Variants in MIEF1 observed in about 807,000 individuals in gnomAD.
The protein encoded by MIEF1 is mitochondrial elongation factor 1.
A neutral mutation model predicts 35.1 loss-of-function variants in MIEF1; 14 were observed. That is an observed-to-expected ratio of 0.40 (90% CI 0.26 to 0.62). The LOEUF (loss-of-function observed/expected upper bound fraction) is 0.62, where lower values mean the gene tolerates loss of function less well. Among genes scored for constraint, MIEF1 ranks in the 20% least tolerant of loss-of-function variants. The pLI is 0.43. For missense variants in MIEF1, 542 were observed against 615.4 expected (o/e 0.88, Z 1.26); for synonymous variants, 245 against 254.3 (o/e 0.96, Z 0.35).
At chr22:39,505,574 G>C (rs577813427) in intron 2 of MIEF1, among the ~76,000 whole-genome samples, 3 of 152,170 alleles carry the variant, frequency 2.0e-5, no homozygotes, top group Non-Finnish European at 2.9e-5. Context: ...CAGAGTTGAG[G>C]CTGGGCCTGG....
chr22:39,512,341 G>A lies in MIEF1; in HGVS notation c.432G>A (p.Arg144=), dbSNP rs762350332. ...AGGAGAAACTTCTTACTTACTACCG[G>A]AACCGGGCAGCCATCCCTGCTGGAG... ...SLQEKLLTYY[R]NRAAIPAGEQ... Residue 144 remains arginine, a synonymous_variant, in exon 5 of 6, where the codon CGG becomes CGA. Coordinates refer to ENST00000325301, the MANE Select transcript of MIEF1 (RefSeq NM_019008.6). 6.2e-7 allele frequency: 1 copy of A among 1,614,258 alleles called. No individual in the cohort carries two copies. The highest frequency in any genetic ancestry group is 1.1e-5 in the South Asian group (1 of 91,088).
At chr22:39,501,364 C>T (rs1429244507), upstream of MIEF1, among the ~76,000 whole-genome samples, 3 of 152,252 alleles carry the variant, frequency 2.0e-5, no homozygotes, top group Admixed American at 6.5e-5. Context: ...CACCCCTCTA[C>T]TGGTAGATAT....
intron 2 of MIEF1, among the ~76,000 whole-genome samples, chr22:39,507,125 A>G (rs1014585170): frequency 1.3e-5 from 2 of 152,204 alleles, no homozygotes; most frequent in African/African-American, 4.8e-5. Flanking sequence ...TAACTTTTCA[A>G]GTAAGGTCCG....
chr22:39,504,526 A>G lies in MIEF1; in HGVS notation c.-16A>G, dbSNP rs1221545547. 3 of 398,098 alleles carry G rather than the reference A, an allele frequency of 7.5e-6. No homozygotes were observed. Among genetic ancestry groups the G allele is most frequent in the Middle Eastern group, 1.2e-3 (2 of 1,610 alleles). The allele number at this position is 398,098 out of a possible 1,614,324, so 24.7% of individuals were successfully genotyped here. ...ATCCCCATCTTACAGATGTATTAAG[A>G]AGCCTCAGGTACGTAGGCCCTCGTT... On this transcript the variant is annotated 5_prime_UTR_variant, in exon 2 of 6. Transcript: ENST00000325301.
At position 39,514,295 on chromosome 22, in the gene MIEF1, C is replaced by G. The variant is rs760530375; in HGVS notation, c.1364C>G (p.Ser455Cys). ...ELGYTLYCSL[S>C]EPEVLLQT is the part of the protein sequence containing the mutation. ...GGATACACTCTGTATTGCTCATTGT[C>G]TGAGCCAGAGGTGCTGCTGCAGACG... Residue 455 changes from serine (S) to cysteine (C), a missense_variant, in exon 6 of 6, where the codon TCT becomes TGT. By Grantham distance (112) the Ser-to-Cys change is moderately radical. Coordinates refer to ENST00000325301, the MANE Select transcript of MIEF1 (RefSeq NM_019008.6). 6.2e-7 allele frequency: 1 copy of G among 1,614,004 alleles called. No individual in the cohort carries two copies. The highest frequency in any genetic ancestry group is 8.5e-7 in the Non-Finnish European group (1 of 1,180,006).
At position 39,507,306 on chromosome 22, in the gene MIEF1, T is replaced by C. The variant is rs953112290; in HGVS notation, c.-8+2772T>C. On this transcript the variant is annotated intron_variant, in intron 2 of 5. Coordinates refer to ENST00000325301, the MANE Select transcript of MIEF1 (RefSeq NM_019008.6). ...GTCACCCAGGCTGGAGTGCAGTGGGTGCAATCTTGGCTCACTGCAACCTCT... is the reference window on the plus strand; with the variant it reads ...GTCACCCAGGCTGGAGTGCAGTGGGCGCAATCTTGGCTCACTGCAACCTCT... Among the ~76,000 whole-genome samples the C allele has an allele frequency of 4.0e-5, 6 of 151,772 alleles. No individual in the cohort carries two copies. The East Asian group carries it at 5.9e-4, about 15-fold the overall frequency.
intron 2 of MIEF1, 140 bp downstream of exon 2, chr22:39,504,674 A>C (rs560887050): frequency 3.1e-6 from 1 of 319,302 alleles, no homozygotes; most frequent in Non-Finnish European, 5.7e-6. Flanking sequence ...CCAACTCTGC[A>C]GGAGGCTGAG....
At chr22:39,501,265 TG>T (rs1929686267), upstream of MIEF1, among the ~76,000 whole-genome samples, 1 of 152,234 alleles carries the variant, frequency 6.6e-6, no homozygotes, top group African/African-American at 2.4e-5. Context: ...AAGGCTTACC[TG>T]GGGGGAGGCC....
At position 39,515,295 on chromosome 22, in the gene MIEF1, G is replaced by A; in HGVS notation, c.*972G>A. 1 of 717,604 alleles carries A rather than the reference G, an allele frequency of 1.4e-6. No homozygotes were observed. 44.5% of individuals were successfully genotyped at this position (717,604 alleles called of 1,614,324 possible). A position where few individuals can be genotyped will look rare whatever the true frequency, so the allele number is the denominator to read the frequency against. On this transcript the variant is annotated 3_prime_UTR_variant, in exon 6 of 6. Coordinates refer to ENST00000325301, the MANE Select transcript of MIEF1 (RefSeq NM_019008.6). ...GGATGATGGAGGTAGACAGTCGACT[G>A]AATGTCAGCTGGAAAATCCAGTCAC...
At position 39,507,279 on chromosome 22, in the gene MIEF1, C is replaced by G. The variant is rs1716764195; in HGVS notation, c.-8+2745C>G. 2.0e-5 allele frequency among the ~76,000 whole-genome samples: 3 copies of G among 151,968 alleles called. No individual in the cohort carries two copies. In the South Asian group the frequency reaches 6.2e-4, roughly 32 times the overall value. ...TTTTTTCTTGAGATGGAGTCTTGCT[C>G]TGTCACCCAGGCTGGAGTGCAGTGG... On this transcript the variant is annotated intron_variant, in intron 2 of 5. Transcript: ENST00000325301.
intron 2 of MIEF1, among the ~76,000 whole-genome samples, chr22:39,507,473 C>G (rs1413101715): frequency 1.3e-5 from 2 of 151,852 alleles, no homozygotes; most frequent in Admixed American, 6.6e-5. Flanking sequence ...TCTCGATCTC[C>G]TGACCTCGTG....
chr22:39,506,312 A>G (rs1930014084), intron 2 of MIEF1, among the ~76,000 whole-genome samples: 1 of 152,152 alleles, frequency 6.6e-6, no homozygotes, highest in African/African-American at 2.4e-5. Flanking sequence ...CTGGGGGTTA[A>G]TGGAGTGGAG....
At chr22:39,511,542 C>T (rs1056549582) in intron 3 of MIEF1, 104 bp downstream of exon 3, 53 of 1,415,690 alleles carry the variant, frequency 3.7e-5, no homozygotes, top group South Asian at 3.0e-4. Context: ...AGGAAATGAT[C>T]GCAATGATAA....
Position 39,511,414 on chromosome 22 carries a change from C to T in MIEF1, c.120C>T (p.Gly40=). ...VLGVGGAAML[G]IATLAVKRMY... ...GGGTGGGTGGAGCGGCCATGCTGGGCATCGCCACGCTGGCAGTTAAGCGGG... is the reference window on the plus strand; with the variant it reads ...GGGTGGGTGGAGCGGCCATGCTGGGTATCGCCACGCTGGCAGTTAAGCGGG... Residue 40 remains glycine (G), a synonymous_variant, in exon 3 of 6, where the codon GGC becomes GGT. Coordinates refer to ENST00000325301, the MANE Select transcript of MIEF1 (RefSeq NM_019008.6). 8.2e-6 allele frequency: 13 copies of T among 1,591,276 alleles called. No homozygotes were observed. The highest frequency in any genetic ancestry group is 1.1e-5 in the Non-Finnish European group (13 of 1,167,108).
chr22:39,509,826 G>A (rs906282991), intron 2 of MIEF1, among the ~76,000 whole-genome samples: 3 of 152,206 alleles, frequency 2.0e-5, no homozygotes, highest in African/African-American at 7.2e-5. Context: ...TTTGGTACAT[G>A]TTGTTTTGTG....
At chr22:39,512,127 C>T in intron 4 of MIEF1, 101 bp downstream of exon 4, 1 of 1,556,866 alleles carries the variant, frequency 6.4e-7, no homozygotes, top group Non-Finnish European at 8.7e-7. Context: ...AGGCACTGTG[C>T]CAGCACTTGC....
chr22:39,517,401 G>T lies in MIEF1; in HGVS notation c.*3078G>T. On this transcript the variant is annotated 3_prime_UTR_variant, in exon 6 of 6. Coordinates refer to ENST00000325301, the MANE Select transcript of MIEF1 (RefSeq NM_019008.6). ...TGTTGAAGCTCAAGTTTAAAGAAGC[G>T]TTGCAGAGGCCCACGGTCTCCTGGG... 1 of 259,992 alleles carries T rather than the reference G, an allele frequency of 3.8e-6. No individual in the cohort carries two copies. The highest frequency in any genetic ancestry group is 8.4e-6 in the Non-Finnish European group (1 of 119,688). The allele number at this position is 259,992 out of a possible 1,614,324, so 16.1% of individuals were successfully genotyped here. A position where few individuals can be genotyped will look rare whatever the true frequency, so the allele number is the denominator to read the frequency against.
rs1202565474 is a variant in MIEF1 at position 39,513,547 on chromosome 22, G to T, written c.616G>T (p.Val206Leu). The change falls in exon 6 of 6, where the codon GTG (valine) becomes TTG (leucine). Residue 206 changes from valine to leucine, a missense_variant. Coordinates refer to ENST00000325301, the MANE Select transcript of MIEF1 (RefSeq NM_019008.6). The part of the protein sequence containing the change: ...VVTADHIQLI[V>L]PLVLEQNLWS... ...GACAGCTGACCACATCCAACTCATT[G>T]TGCCCCTTGTGCTGGAGCAGAACCT... 4 of 1,614,024 alleles carry T rather than the reference G, an allele frequency of 2.5e-6. No homozygotes were observed. The highest frequency in any genetic ancestry group is 2.5e-6 in the Non-Finnish European group (3 of 1,180,016).
rs1003112862 is a variant in MIEF1 at position 39,515,594 on chromosome 22, T to C, written c.*1271T>C. ...CACAGATAAGACAGAGGGGAGGAGGTGGGCATTTCCTACATTCCTCCTTGT... is the reference window on the plus strand; with the variant it reads ...CACAGATAAGACAGAGGGGAGGAGGCGGGCATTTCCTACATTCCTCCTTGT... On this transcript the variant is annotated 3_prime_UTR_variant, in exon 6 of 6. Coordinates refer to ENST00000325301, the MANE Select transcript of MIEF1 (RefSeq NM_019008.6). The C allele has an allele frequency of 6.9e-5, 35 of 510,456 alleles. No individual in the cohort carries two copies. The highest frequency in any genetic ancestry group is 1.0e-4 in the Non-Finnish European group (30 of 289,064). 31.6% of individuals were successfully genotyped at this position (510,456 alleles called of 1,614,324 possible). A position where few individuals can be genotyped will look rare whatever the true frequency, so the allele number is the denominator to read the frequency against.
Sources: allele counts gnomAD v4.1 joint callset (sites outside exome capture counted in the v4.1 genomes callset), GRCh38; gene constraint gnomAD v4.1.1; transcripts MANE v1.5; gene names NCBI Gene and HGNC (gene_info 2026-07-23, HGNC 2026-07-21).